EXOC4: variants seen among roughly 807,000 people sequenced by gnomAD.
EXOC4 encodes SEC8-like 1.
A neutral mutation model predicts 107.2 loss-of-function variants in EXOC4; 71 were observed. The observed-to-expected ratio is 0.66, with a 90% CI of 0.55 to 0.81. The LOEUF (loss-of-function observed/expected upper bound fraction) is 0.81, where lower values mean the gene tolerates loss of function less well. Among genes scored for constraint, EXOC4 ranks in the 30% least tolerant of loss-of-function variants. The pLI is 0.00. For missense variants in EXOC4, 1,108 were observed against 1,189.6 expected (o/e 0.93, Z 1.01); for synonymous variants, 456 against 441.2 (o/e 1.03, Z -0.42).
Position 133,443,366 on chromosome 7 carries a change from C to G in EXOC4, c.1183-31962C>G, listed in dbSNP as rs543583857. 2.0e-5 allele frequency among the ~76,000 whole-genome samples: 3 copies of G among 152,286 alleles called. No homozygotes were observed. In the South Asian group the frequency reaches 6.2e-4, roughly 32 times the overall value. Reference sequence around the variant, plus strand: ...TCTTGGTAAAGTCTCTTGCGCAGTACAGAATGTGGGCCCATCTCTGCTTTC... The same window carrying G: ...TCTTGGTAAAGTCTCTTGCGCAGTAGAGAATGTGGGCCCATCTCTGCTTTC... On this transcript the variant is annotated intron_variant, in intron 7 of 17. Transcript: ENST00000253861.
chr7:133,967,212 C>G (rs1048355812), intron 14 of EXOC4, among the ~76,000 whole-genome samples: 2 of 151,936 alleles, frequency 1.3e-5, no homozygotes, highest in Non-Finnish European at 2.9e-5. Flanking sequence ...TGATTCTTCT[C>G]TTCTTCATTA....
chr7:134,031,340 A>G (rs772218411), intron 17 of EXOC4, among the ~76,000 whole-genome samples: 4 of 152,192 alleles, frequency 2.6e-5, no homozygotes, highest in Non-Finnish European at 5.9e-5. Context: ...AGTGGTAGGG[A>G]ATAGCAGAGA....
intron 5 of EXOC4, among the ~76,000 whole-genome samples, chr7:133,355,891 G>T (rs1356951359): frequency 6.6e-6 from 1 of 152,022 alleles, no homozygotes; most frequent in African/African-American, 2.4e-5. Flanking sequence ...TCTTCCCCCT[G>T]TGTGTATTCA....
chr7:133,398,503 A>G (rs889654902), intron 7 of EXOC4, among the ~76,000 whole-genome samples: 6 of 152,024 alleles, frequency 3.9e-5, no homozygotes, highest in African/African-American at 7.2e-5. Flanking sequence ...TTCCTATTTC[A>G]TGCTCTCTCT....
At chr7:133,283,794 G>C (rs1457155714) in intron 2 of EXOC4, among the ~76,000 whole-genome samples, 1 of 152,158 alleles carries the variant, frequency 6.6e-6, no homozygotes, top group Non-Finnish European at 1.5e-5. Flanking sequence ...CTGCTGATTT[G>C]AATTCTGGCA....
intron 5 of EXOC4, among the ~76,000 whole-genome samples, chr7:133,322,289 G>T (rs978968372): frequency 2.0e-5 from 3 of 152,020 alleles, no homozygotes; most frequent in Non-Finnish European, 4.4e-5. Context: ...CAAAGTCTTT[G>T]CCCATTCCTA....
rs118152825 is a variant in EXOC4, at chr7:133,705,726, G to A, written c.1514+75585G>A. ...ACTTCATAATCGAGATGGCTACGAAGTGACTAATGGACAGGTAGCGTAAAA... is the reference window on the plus strand; with the variant it reads ...ACTTCATAATCGAGATGGCTACGAAATGACTAATGGACAGGTAGCGTAAAA... On this transcript the variant is annotated intron_variant, in intron 10 of 17. Transcript: ENST00000253861. Among the ~76,000 whole-genome samples, 1,106 of 152,286 alleles carry A rather than the reference G, an allele frequency of 7.3e-3. 11 individuals carry two copies. The highest frequency in any genetic ancestry group is 0.012 in the Non-Finnish European group (795 of 68,030).
intron 5 of EXOC4, among the ~76,000 whole-genome samples, chr7:133,331,498 G>A (rs1033557628): frequency 8.4e-6 from 1 of 119,754 alleles, no homozygotes; most frequent in African/African-American, 3.3e-5. Flanking sequence ...ATGGAGTCTC[G>A]CTGTCGCCCA....
chr7:133,857,114 GTA>G (rs1288516173), intron 11 of EXOC4, among the ~76,000 whole-genome samples: 1 of 81,566 alleles, frequency 1.2e-5, no homozygotes, highest in Non-Finnish European at 2.3e-5. Context: ...ATATATATGT[GTA>G]TATATATATG....
chr7:133,688,124 T>C (rs910134985), intron 10 of EXOC4, among the ~76,000 whole-genome samples: 1 of 152,124 alleles, frequency 6.6e-6, no homozygotes, highest in Non-Finnish European at 1.5e-5. Flanking sequence ...ATAATGCAAA[T>C]AGAAATGTCC....
intron 9 of EXOC4, among the ~76,000 whole-genome samples, chr7:133,490,850 T>C (rs1035289551): frequency 3.3e-5 from 5 of 152,234 alleles, no homozygotes; most frequent in African/African-American, 1.2e-4. Flanking sequence ...GTTGTAGCTA[T>C]GCAGCTTTAT....
At chr7:133,815,865 T>A (rs577451002) in intron 10 of EXOC4, among the ~76,000 whole-genome samples, 2 of 152,344 alleles carry the variant, frequency 1.3e-5, no homozygotes, top group South Asian at 4.1e-4. Flanking sequence ...TCCGTTTACA[T>A]TCAGTTCAAA....
rs181406037 is a variant in EXOC4 at position 133,470,499 on chromosome 7, A to G, written c.1183-4829A>G. On this transcript the variant is annotated intron_variant, in intron 7 of 17. Coordinates refer to ENST00000253861, the MANE Select transcript of EXOC4 (RefSeq NM_021807.4). ...GTATCTTTATTTTGACCACAGAGCCATTCAACGTAATAGGTCCTCAGAAAA... is the reference window on the plus strand; with the variant it reads ...GTATCTTTATTTTGACCACAGAGCCGTTCAACGTAATAGGTCCTCAGAAAA... Among the ~76,000 whole-genome samples the G allele has an allele frequency of 1.2e-3, 179 of 152,332 alleles. 1 individual carries two copies. The highest frequency in any genetic ancestry group is 4.0e-3 in the African/African-American group (166 of 41,582).
rs1298125648 is a variant in EXOC4, at chr7:133,855,046, T to A, written c.1734+37502T>A. 1.4e-3 allele frequency among the ~76,000 whole-genome samples: 79 copies of A among 56,762 alleles called. 1 individual carries two copies. Among genetic ancestry groups the A allele is most frequent in the African/African-American group, 9.5e-3 (76 of 8,018 alleles). 37.2% of individuals were successfully genotyped at this position (56,762 alleles called of 152,430 possible). ...CTATATATATATCTAAATATATATATATCTAAATATATCTAAATATATCTA... is the reference window on the plus strand; with the variant it reads ...CTATATATATATCTAAATATATATAAATCTAAATATATCTAAATATATCTA... On this transcript the variant is annotated intron_variant, in intron 11 of 17. Transcript: ENST00000253861.
At chr7:133,777,310 AGAGAGAGAGAG>A (rs1415829716) in intron 10 of EXOC4, among the ~76,000 whole-genome samples, 8 of 109,792 alleles carry the variant, frequency 7.3e-5, no homozygotes, top group Admixed American at 4.1e-4. Context: ...AGAGAGAGAG[AGAGAGAGAGAG>A]AATATATATA....
chr7:134,084,899 A>C, the EXOC4 span, among the ~76,000 whole-genome samples: 1 of 123,756 alleles, frequency 8.1e-6, no homozygotes, highest in East Asian at 2.4e-4. Context: ...AGTGATGCCT[A>C]GTGGTCAGAA....
intron 10 of EXOC4, among the ~76,000 whole-genome samples, chr7:133,758,090 C>A (rs1480145355): frequency 6.6e-6 from 1 of 152,070 alleles, no homozygotes; most frequent in East Asian, 1.9e-4. Flanking sequence ...TAAGTGTGAT[C>A]CAGGCAGAAA....
intron 10 of EXOC4, among the ~76,000 whole-genome samples, chr7:133,780,870 C>G (rs1005151581): frequency 6.6e-6 from 1 of 152,178 alleles, no homozygotes; most frequent in African/African-American, 2.4e-5. Context: ...TGGTATTTTT[C>G]AAATGAAGAA....
At chr7:133,778,431 T>TA (rs1225987213) in intron 10 of EXOC4, among the ~76,000 whole-genome samples, 1 of 151,956 alleles carries the variant, frequency 6.6e-6, no homozygotes, top group Non-Finnish European at 1.5e-5. Context: ...CTACAGATAA[T>TA]AAAAAATTAG....
Sources: allele counts gnomAD v4.1 joint callset (sites outside exome capture counted in the v4.1 genomes callset), GRCh38; gene constraint gnomAD v4.1.1; transcripts MANE v1.5; gene names NCBI Gene and HGNC (gene_info 2026-07-23, HGNC 2026-07-21).